The following LRRC49 variants were observed in gnomAD, a reference collection of about 807,000 sequenced individuals.
LRRC49 encodes the protein leucine-rich repeat-containing protein 49.
Under a neutral mutation model 83.3 loss-of-function variants are expected in LRRC49, and 50 were observed. That is an observed-to-expected ratio of 0.60 (90% CI 0.48 to 0.76). The LOEUF is 0.76. Among genes scored for constraint, LRRC49 ranks in the 30% least tolerant of loss-of-function variants. The pLI, the probability that LRRC49 is intolerant of heterozygous loss-of-function variation, is 0.00. For missense variants in LRRC49, 704 were observed against 809.1 expected, an observed-to-expected ratio of 0.87 and a Z score of 1.58; for synonymous variants, 286 against 283.3, an observed-to-expected ratio of 1.01 and a Z score of -0.10.
chr15:70,977,539 G>T (rs1028084604), intron 9 of LRRC49, among the ~76,000 whole-genome samples: 1 of 152,078 alleles, frequency 6.6e-6, no homozygotes, highest in South Asian at 2.1e-4. Context: ...CAGCTTCTTG[G>T]GAGGCTAAGA....
intron 13 of LRRC49, among the ~76,000 whole-genome samples, 180 bp from the exon 14 acceptor site, chr15:71,012,624 T>A (rs912401969): frequency 2.6e-5 from 4 of 152,164 alleles, no homozygotes; most frequent in Admixed American, 6.6e-5. Flanking sequence ...TTATACGTCT[T>A]CATTTTAACT....
chr15:70,898,540 C>A, intron 3 of LRRC49: 1 of 597,208 alleles, frequency 1.7e-6, no homozygotes, highest in African/African-American at 1.9e-5. Context: ...TTTGGGAGGC[C>A]AAGGTGGGTG....
chr15:70,929,684 C>T (rs1312455131), intron 7 of LRRC49, among the ~76,000 whole-genome samples: 2 of 152,182 alleles, frequency 1.3e-5, no homozygotes, highest in Non-Finnish European at 2.9e-5. Flanking sequence ...GAAATCCGTC[C>T]TCTCAAACCC....
chr15:70,872,917 C>T, exon 2 of LRRC49: 1 of 207,616 alleles, frequency 4.8e-6, no homozygotes, highest in Non-Finnish European at 9.5e-6. Context: ...GATGGAGTCT[C>T]ACTCTGTCGC....
chr15:71,012,799 T>C lies in LRRC49; in HGVS notation c.1594-5T>C. 1 of 1,567,232 alleles carries C rather than the reference T, an allele frequency of 6.4e-7. No homozygotes were observed. The highest frequency in any genetic ancestry group is 8.8e-7 in the Non-Finnish European group (1 of 1,140,832). On this transcript the variant is annotated splice_region_variant and splice_polypyrimidine_tract_variant and intron_variant, in intron 13 of 15. Coordinates refer to ENST00000260382, the MANE Select transcript of LRRC49 (RefSeq NM_017691.5). ...TTTTTACCCCTTTCTATTGTGTCTC[T>C]TCAGGTGACACAGAATGATATGATA...
chr15:70,968,858 G>A (rs535915633), intron 9 of LRRC49, among the ~76,000 whole-genome samples: 184 of 152,200 alleles, frequency 1.2e-3, no homozygotes, highest in Non-Finnish European at 2.0e-3. Context: ...ATTTGTTTAC[G>A]TTCCTTGTAG....
intron 7 of LRRC49, among the ~76,000 whole-genome samples, chr15:70,933,201 C>T (rs2035476810): frequency 6.6e-6 from 1 of 151,748 alleles, no homozygotes; most frequent in Non-Finnish European, 1.5e-5. Flanking sequence ...TTATATTTTC[C>T]AAATACATAA....
At chr15:70,970,095 A>G (rs1205514856) in intron 9 of LRRC49, among the ~76,000 whole-genome samples, 1 of 152,168 alleles carries the variant, frequency 6.6e-6, no homozygotes, top group Non-Finnish European at 1.5e-5. Context: ...CACATTCAGT[A>G]TGATATTGGC....
At chr15:70,934,562 G>C (rs536483061) in intron 7 of LRRC49, among the ~76,000 whole-genome samples, 8 of 152,060 alleles carry the variant, frequency 5.3e-5, no homozygotes, top group Non-Finnish European at 1.2e-4. Flanking sequence ...GTAAAATTTT[G>C]TCTCATAAAC....
chr15:70,896,596 G>A (rs62019092), intron 3 of LRRC49, among the ~76,000 whole-genome samples: 2,373 of 152,178 alleles, frequency 0.016, 32 homozygotes, highest in Non-Finnish European at 0.021. Flanking sequence ...CAAGGAAAAC[G>A]TTCCTTCACA....
At chr15:70,864,972 A>G (rs1449373483) in intron 1 of LRRC49, among the ~76,000 whole-genome samples, 1 of 152,204 alleles carries the variant, frequency 6.6e-6, no homozygotes, top group Non-Finnish European at 1.5e-5. Context: ...TAGGCCCTCT[A>G]TAACCCCATA....
chr15:70,893,423 T>C, intron 1 of LRRC49, 161 bp from the exon 2 acceptor site: 1 of 637,948 alleles, frequency 1.6e-6, no homozygotes. Flanking sequence ...TGTGATTTTA[T>C]TGTTTTCAGC....
At chr15:71,048,714 G>A (rs2039931080) in intron 15 of LRRC49, 2 of 437,992 alleles carry the variant, frequency 4.6e-6, no homozygotes, top group South Asian at 3.3e-5. Context: ...TGAAATTGGG[G>A]CACAATATTC....
In LRRC49 at chr15:71,023,263, C is replaced by T. The variant is rs143818994; in HGVS notation, c.1703+10350C>T. ...GATAGCAAAAGAGCAGCAAAATAAT[C>T]CAGAAGAAAGTTAAAGAAAAGAAAT... is the stretch of plus-strand genomic sequence containing the variant. On this transcript the variant is annotated intron_variant, in intron 14 of 15. Coordinates refer to ENST00000260382, the MANE Select transcript of LRRC49 (RefSeq NM_017691.5). 3.7e-3 allele frequency among the ~76,000 whole-genome samples: 566 copies of T among 151,790 alleles called. 2 individuals carry two copies. The highest frequency in any genetic ancestry group is 0.013 in the African/African-American group (534 of 41,398).
At chr15:70,991,069 A>G (rs1014646903) in intron 11 of LRRC49, among the ~76,000 whole-genome samples, 1 of 152,160 alleles carries the variant, frequency 6.6e-6, no homozygotes, top group Non-Finnish European at 1.5e-5. Context: ...CTCTTTAACT[A>G]CTGGTAGTAA....
At chr15:71,041,179 G>C (rs1043898100) in intron 15 of LRRC49, among the ~76,000 whole-genome samples, 1 of 152,182 alleles carries the variant, frequency 6.6e-6, no homozygotes, top group South Asian at 2.1e-4. Flanking sequence ...GATGCACGTT[G>C]TTTTAAGCTG....
chr15:70,922,438 C>G (rs928052114), intron 7 of LRRC49, among the ~76,000 whole-genome samples: 1 of 152,034 alleles, frequency 6.6e-6, no homozygotes, highest in African/African-American at 2.4e-5. Flanking sequence ...AAACACATAT[C>G]GCATGTTCTC....
chr15:70,921,054 T>A (rs1012813148), intron 7 of LRRC49, among the ~76,000 whole-genome samples: 1 of 152,152 alleles, frequency 6.6e-6, no homozygotes, highest in South Asian at 2.1e-4. Context: ...TGAAGGACCA[T>A]GTTAAGGAGT....
intron 8 of LRRC49, among the ~76,000 whole-genome samples, chr15:70,947,759 C>G (rs1266268081): frequency 6.6e-6 from 1 of 152,148 alleles, no homozygotes; most frequent in Non-Finnish European, 1.5e-5. Context: ...ATGCACATTA[C>G]AGTCTGGGAA....
Sources: allele counts gnomAD v4.1 joint callset (sites outside exome capture counted in the v4.1 genomes callset), GRCh38; gene constraint gnomAD v4.1.1; transcripts MANE v1.5; gene names NCBI Gene and HGNC (gene_info 2026-07-23, HGNC 2026-07-21).